The following TLE4 variants were observed in gnomAD, a reference collection of about 807,000 sequenced individuals.
The protein encoded by TLE4 is transducin-like enhancer protein 4.
Under a neutral mutation model 92.8 loss-of-function variants are expected in TLE4, and 8 were observed. The observed-to-expected ratio is 0.09, with a 90% confidence interval of 0.05 to 0.16. The LOEUF is 0.16. TLE4 is among the 10% of genes least tolerant of loss of function. TLE4 has a pLI of 1.00. For synonymous variants in TLE4, 371 were observed against 374.1 expected (o/e 0.99, Z 0.10); for missense variants, 675 against 997.6 (o/e 0.68, Z 4.36).
chr9:79,627,114 T>G (rs2052814552), intron 5 of TLE4, among the ~76,000 whole-genome samples: 1 of 152,128 alleles, frequency 6.6e-6, no homozygotes, highest in African/African-American at 2.4e-5. Context: ...AAGTGAAATT[T>G]AAGCTGTTGT....
chr9:79,724,120 A>G (rs2076069123), intron 19 of TLE4, among the ~76,000 whole-genome samples: 1 of 150,282 alleles, frequency 6.7e-6, no homozygotes, highest in Admixed American at 6.6e-5. Flanking sequence ...TTTGTGTCAC[A>G]TTTTTACAGT....
At position 79,639,255 on chromosome 9, in the gene TLE4, T is replaced by TA. The variant is rs894010953; in HGVS notation, c.390+11815dup. Among the ~76,000 whole-genome samples the TA allele has an allele frequency of 4.7e-4, 72 of 151,986 alleles. 1 individual carries two copies. The highest frequency in any genetic ancestry group is 1.5e-3 in the Admixed American group (23 of 15,260). ...GTAGTGTGAGAAATAAAAATTCCTT[T>TA]AAAAAAAATTCAGGCCATTTTTGGG... On this transcript the variant is annotated intron_variant, in intron 6 of 19. Coordinates refer to ENST00000376552, the MANE Select transcript of TLE4 (RefSeq NM_007005.6).
At chr9:79,656,719 G>T (rs1408218444) in intron 8 of TLE4, among the ~76,000 whole-genome samples, 1 of 152,192 alleles carries the variant, frequency 6.6e-6, no homozygotes, top group Non-Finnish European at 1.5e-5. Flanking sequence ...GGGTTTGATT[G>T]TGAGAGATAC....
intron 8 of TLE4, among the ~76,000 whole-genome samples, chr9:79,689,037 C>A (rs911753040): frequency 6.6e-6 from 1 of 151,948 alleles, no homozygotes; most frequent in African/African-American, 2.4e-5. Flanking sequence ...TTTCTCTACC[C>A]TCTAATTTTA....
intron 8 of TLE4, among the ~76,000 whole-genome samples, chr9:79,682,912 A>T (rs1277144640): frequency 6.6e-6 from 1 of 152,232 alleles, no homozygotes; most frequent in Non-Finnish European, 1.5e-5. Context: ...TTATAAAAAA[A>T]TGTAGGAATA....
chr9:79,601,540 T>C (rs1042007320), intron 4 of TLE4: 5 of 449,634 alleles, frequency 1.1e-5, no homozygotes, highest in African/African-American at 2.0e-5. Flanking sequence ...AACTTTCTTA[T>C]TATTACTTTA....
intron 8 of TLE4, among the ~76,000 whole-genome samples, chr9:79,678,620 T>C (rs1225399178): frequency 6.6e-6 from 1 of 150,400 alleles, no homozygotes; most frequent in Non-Finnish European, 1.5e-5. Context: ...TTGTTTTTCT[T>C]TTTTTTTTAT....
chr9:79,606,425 C>G (rs1278820731), intron 4 of TLE4, among the ~76,000 whole-genome samples: 1 of 144,466 alleles, frequency 6.9e-6, no homozygotes, highest in Non-Finnish European at 1.5e-5. Context: ...ATGTGCACAA[C>G]GTGCAGGTTT....
intron 14 of TLE4, among the ~76,000 whole-genome samples, chr9:79,715,683 A>G (rs756431852): frequency 3.3e-5 from 5 of 152,104 alleles, no homozygotes; most frequent in African/African-American, 7.2e-5. Flanking sequence ...GACTTGATAC[A>G]TGGCTGAGAG....
At chr9:79,615,308 A>G (rs1173593511) in intron 5 of TLE4, among the ~76,000 whole-genome samples, 2 of 152,166 alleles carry the variant, frequency 1.3e-5, no homozygotes, top group Non-Finnish European at 2.9e-5. Flanking sequence ...AAGGCTCTTA[A>G]TCTGATCTTT....
At chr9:79,618,875 A>T (rs933413119) in intron 5 of TLE4, among the ~76,000 whole-genome samples, 1 of 152,212 alleles carries the variant, frequency 6.6e-6, no homozygotes, top group Non-Finnish European at 1.5e-5. Context: ...TTTTTACAAT[A>T]TTTAACAATA....
At chr9:79,628,865 T>C (rs1451389264) in intron 6 of TLE4, among the ~76,000 whole-genome samples, 1 of 138,478 alleles carries the variant, frequency 7.2e-6, no homozygotes, top group Non-Finnish European at 1.6e-5. Flanking sequence ...GGTTTAATTT[T>C]AAAGTTAAGT....
At chr9:79,582,539 C>CT (rs1399184596) in intron 4 of TLE4, among the ~76,000 whole-genome samples, 1 of 149,778 alleles carries the variant, frequency 6.7e-6, no homozygotes, top group Non-Finnish European at 1.5e-5. Context: ...TTTATTTCTT[C>CT]TTTTTTTTCT....
At chr9:79,711,507 A>G (rs2073283379) in intron 14 of TLE4, among the ~76,000 whole-genome samples, 1 of 152,202 alleles carries the variant, frequency 6.6e-6, no homozygotes, top group African/African-American at 2.4e-5. Flanking sequence ...GGGAAGAAGT[A>G]CTATCCCTTT....
intron 4 of TLE4, among the ~76,000 whole-genome samples, chr9:79,607,002 G>A (rs562783494): frequency 6.6e-6 from 1 of 152,250 alleles, no homozygotes; most frequent in South Asian, 2.1e-4. Context: ...CAGTGTAAAA[G>A]CCTTCCTATT....
At chr9:79,660,189 T>C (rs1432308373) in intron 8 of TLE4, among the ~76,000 whole-genome samples, 1 of 152,194 alleles carries the variant, frequency 6.6e-6, no homozygotes, top group Non-Finnish European at 1.5e-5. Flanking sequence ...TCTCTACCAC[T>C]GGGTAAGCTG....
chr9:79,656,277 G>A (rs2059766988), intron 8 of TLE4, among the ~76,000 whole-genome samples: 1 of 152,178 alleles, frequency 6.6e-6, no homozygotes, highest in Non-Finnish European at 1.5e-5. Flanking sequence ...ATGATTGTCT[G>A]CTGTGTGACT....
intron 11 of TLE4, chr9:79,707,237 T>G (rs750070468): frequency 6.3e-7 from 1 of 1,595,970 alleles, no homozygotes; most frequent in South Asian, 1.1e-5. Flanking sequence ...AGTTTGGGGC[T>G]TGAATGTGAT....
At chr9:79,649,275 C>T (rs779109573) in intron 6 of TLE4, among the ~76,000 whole-genome samples, 1,650 of 102,288 alleles carry the variant, frequency 0.016, 36 homozygotes, top group African/African-American at 0.061. Flanking sequence ...CATACATACA[C>T]ACACACACAC....
Sources: gnomAD v4.1 joint callset for allele counts (sites outside exome capture counted in the v4.1 genomes callset) on GRCh38, gnomAD v4.1.1 for gene constraint, MANE v1.5 for transcripts, NCBI Gene and HGNC (gene_info 2026-07-23, HGNC 2026-07-21) for gene names.